Variants in INVS observed in about 807,000 individuals in gnomAD.
The protein encoded by INVS is inversion of embryo turning homolog.
Under a neutral mutation model 108.8 loss-of-function variants are expected in INVS, and 86 were observed. The ratio of observed to expected loss-of-function variants is 0.79; its 90% CI spans 0.66 to 0.95. The LOEUF (loss-of-function observed/expected upper bound fraction) is 0.95. Among genes scored for constraint, INVS ranks in the 40% least tolerant of loss-of-function variants. INVS has a pLI of 0.00. For missense variants in INVS, 1,169 were observed against 1,297.4 expected, an observed-to-expected ratio of 0.90 and a Z score of 1.52; for synonymous variants, 455 against 473.5, an observed-to-expected ratio of 0.96 and a Z score of 0.51.
intron 3 of INVS, among the ~76,000 whole-genome samples, chr9:100,216,041 C>A (rs995014818): frequency 6.6e-5 from 10 of 152,260 alleles, no homozygotes; most frequent in African/African-American, 2.4e-4. Context: ...ACTTGTTCAG[C>A]GACTTGATTT....
chr9:100,147,898 A>G (rs1175071763), intron 3 of INVS, among the ~76,000 whole-genome samples: 1 of 152,002 alleles, frequency 6.6e-6, no homozygotes, highest in East Asian at 1.9e-4. Context: ...TAAAAAATAA[A>G]CAAGGCCAGG....
chr9:100,196,591 T>TG (rs1357869830), intron 3 of INVS, among the ~76,000 whole-genome samples: 1 of 151,878 alleles, frequency 6.6e-6, no homozygotes, highest in Non-Finnish European at 1.5e-5. Flanking sequence ...AGCAGGTCCC[T>TG]GAAAGGGGTC....
intron 2 of INVS, among the ~76,000 whole-genome samples, chr9:100,104,986 A>G (rs967360557): frequency 2.0e-5 from 3 of 152,194 alleles, no homozygotes; most frequent in Non-Finnish European, 4.4e-5. Flanking sequence ...CAAATGATTT[A>G]ATTTTTAATG....
intron 3 of INVS, among the ~76,000 whole-genome samples, chr9:100,187,219 A>G (rs935343796): frequency 1.3e-5 from 2 of 152,036 alleles, no homozygotes; most frequent in African/African-American, 2.4e-5. Context: ...CTGTACATCT[A>G]TTTTCATACC....
rs187760750 is a variant in INVS at position 100,134,015 on chromosome 9, T to C, written c.273+7466T>C. Among the ~76,000 whole-genome samples the C allele has an allele frequency of 2.4e-3, 361 of 152,200 alleles. 2 individuals carry two copies. The highest frequency in any genetic ancestry group is 8.3e-3 in the African/African-American group (346 of 41,524). ...CATGAGTAAGTTCTCTAGTGGAGAT[T>C]TGTGAGAACCTGGTACACCCATCGC... is the stretch of plus-strand genomic sequence containing the variant. On this transcript the variant is annotated intron_variant, in intron 3 of 16. Coordinates refer to ENST00000262457, the MANE Select transcript of INVS (RefSeq NM_014425.5).
At chr9:100,114,391 C>CTTT (rs67549379) in intron 2 of INVS, among the ~76,000 whole-genome samples, 116 of 64,852 alleles carry the variant, frequency 1.8e-3, no homozygotes, top group Non-Finnish European at 2.4e-3. Context: ...AGATTTCTTT[C>CTTT]TTTTTTTTTT....
intron 2 of INVS, among the ~76,000 whole-genome samples, chr9:100,114,950 C>A (rs1588009436): frequency 1.3e-5 from 2 of 152,238 alleles, no homozygotes; most frequent in African/African-American, 4.8e-5. Flanking sequence ...GCTTTTATTT[C>A]TCCTGAGTAA....
intron 5 of INVS, 68 bp downstream of exon 5, chr9:100,229,895 T>C: frequency 3.5e-6 from 5 of 1,426,212 alleles, no homozygotes; most frequent in Non-Finnish European, 4.9e-6. Context: ...ATTTAATATA[T>C]ACAAAAGTGT....
Position 100,136,755 on chromosome 9 carries a change from C to T in INVS, c.273+10206C>T, listed in dbSNP as rs1301366074. Among the ~76,000 whole-genome samples, 4 of 152,022 alleles carry T rather than the reference C, an allele frequency of 2.6e-5. 1 individual carries two copies. Among genetic ancestry groups the T allele is most frequent in the Admixed American group, 1.3e-4 (2 of 15,264 alleles). ...GGGAGATGGGAACAGAAAGGACAGT[C>T]GGGTCTGGGCACAGTAGCTCACGCG... On this transcript the variant is annotated intron_variant, in intron 3 of 16. Transcript: ENST00000262457.
intron 2 of INVS, among the ~76,000 whole-genome samples, chr9:100,118,251 C>T (rs755886288): frequency 2.0e-5 from 3 of 151,522 alleles, no homozygotes; most frequent in African/African-American, 2.4e-5. Context: ...CTTTGTTGCC[C>T]AGGCTGGAGT....
At chr9:100,107,033 C>T (rs979724381) in intron 2 of INVS, among the ~76,000 whole-genome samples, 1 of 152,128 alleles carries the variant, frequency 6.6e-6, no homozygotes, top group Non-Finnish European at 1.5e-5. Context: ...TACCCATTGT[C>T]CACACTTATT....
intron 5 of INVS, 37 bp downstream of exon 5, chr9:100,229,864 G>C (rs750063084): frequency 1.9e-6 from 3 of 1,603,842 alleles, no homozygotes; most frequent in Non-Finnish European, 1.7e-6. Flanking sequence ...GAATGGCCTT[G>C]AAATTTTTTT....
At chr9:100,179,279 C>T (rs1309719866) in intron 3 of INVS, among the ~76,000 whole-genome samples, 2 of 152,130 alleles carry the variant, frequency 1.3e-5, no homozygotes, top group African/African-American at 2.4e-5. Flanking sequence ...ATCAAATTCA[C>T]AGATAACGAT....
At chr9:100,135,336 T>G (rs966464915) in intron 3 of INVS, among the ~76,000 whole-genome samples, 1 of 152,140 alleles carries the variant, frequency 6.6e-6, no homozygotes, top group Non-Finnish European at 1.5e-5. Context: ...TATGCTCTTA[T>G]CCAGGGGTTC....
At chr9:100,163,322 C>T (rs73507831) in intron 3 of INVS, among the ~76,000 whole-genome samples, 30,109 of 151,516 alleles carry the variant, frequency 0.2, 4,818 homozygotes, top group African/African-American at 0.45. Context: ...ACAAACTTAA[C>T]TGAGAAGTGT....
At chr9:100,202,414 A>G (rs372543026) in intron 3 of INVS, among the ~76,000 whole-genome samples, 51 of 152,368 alleles carry the variant, frequency 3.3e-4, no homozygotes, top group African/African-American at 1.2e-3. Context: ...TAGAGTGAGC[A>G]AAGATTAAAA....
At chr9:100,151,605 G>A (rs1355249558) in intron 3 of INVS, among the ~76,000 whole-genome samples, 1 of 152,178 alleles carries the variant, frequency 6.6e-6, no homozygotes, top group Non-Finnish European at 1.5e-5. Flanking sequence ...TCAAGAATAT[G>A]TTTTCACTCT....
intron 3 of INVS, among the ~76,000 whole-genome samples, chr9:100,195,707 C>G (rs1231144702): frequency 6.6e-6 from 1 of 152,084 alleles, no homozygotes; most frequent in Admixed American, 6.6e-5. Context: ...AGGCTAGTCT[C>G]GAACTCCTAA....
At chr9:100,255,548 G>T (rs557309327) in intron 10 of INVS, among the ~76,000 whole-genome samples, 1 of 152,106 alleles carries the variant, frequency 6.6e-6, no homozygotes, top group Admixed American at 6.6e-5. Context: ...TTGGCTGTGG[G>T]TTTGTCATAA....
Sources: gnomAD v4.1 joint callset for allele counts (sites outside exome capture counted in the v4.1 genomes callset) on GRCh38, gnomAD v4.1.1 for gene constraint, MANE v1.5 for transcripts, NCBI Gene and HGNC (gene_info 2026-07-23, HGNC 2026-07-21) for gene names.